CHRNA4: variants seen among roughly 807,000 people sequenced by gnomAD.
CHRNA4 encodes the protein neuronal acetylcholine receptor subunit alpha-4.
In CHRNA4, 28 loss-of-function variants were observed where a neutral mutation model predicts 48.9. The ratio of observed to expected loss-of-function variants is 0.57; its 90% CI spans 0.42 to 0.79. CHRNA4 has a LOEUF of 0.79. Among genes scored for constraint, CHRNA4 ranks in the 30% least tolerant of loss-of-function variants. The pLI is 0.00. For missense variants in CHRNA4, 859 were observed against 898.4 expected (o/e 0.96, Z 0.56); for synonymous variants, 425 against 402.3 (o/e 1.06, Z -0.68).
intron 1 of CHRNA4, chr20:63,360,085 G>A (rs1026139441): frequency 4.1e-5 from 13 of 314,964 alleles, no homozygotes; most frequent in African/African-American, 2.6e-4. Context: ...CGGATGGGCC[G>A]AGGACTGCTT....
intron 4 of CHRNA4, among the ~76,000 whole-genome samples, chr20:63,353,172 A>G (rs987514309): frequency 2.6e-5 from 4 of 152,154 alleles, no homozygotes; most frequent in Non-Finnish European, 5.9e-5. Context: ...GGGTGGCCAA[A>G]TCCCAGAGAA....
At position 63,350,463 on chromosome 20, in the gene CHRNA4, G is replaced by A. The variant is rs121912259; in HGVS notation, c.948C>T (p.Phe316=). ...CCGTGATGACGATGGACAGGGTGAC[G>A]AAGATCATGGTGAACAGCAGGTACT... ...IGEYLLFTMI[F]VTLSIVITVF... is the part of the protein sequence containing the mutation. Residue 316 remains phenylalanine, a synonymous_variant, in exon 5 of 6, where the codon TTC becomes TTT. Transcript: ENST00000370263. The A allele has an allele frequency of 1.1e-4, 174 of 1,613,846 alleles. No individual in the cohort carries two copies. Among genetic ancestry groups the A allele is most frequent in the South Asian group, 9.9e-5 (9 of 91,082 alleles).
chr20:63,346,857 C>T lies in CHRNA4; in HGVS notation c.1765G>A (p.Glu589Lys), dbSNP rs749939383. 2.5e-5 allele frequency: 41 copies of T among 1,612,380 alleles called. No homozygotes were observed. Among genetic ancestry groups the T allele is most frequent in the Admixed American group, 5.0e-5 (3 of 59,984 alleles). Residue 589 changes from glutamate (E) to lysine (K), a missense_variant, in exon 6 of 6, where the codon GAG (glutamate) becomes AAG (lysine). This residue lies in a region of CHRNA4 where 478 missense variants were observed against 455.4 expected (regional missense o/e 1.05). Transcript: ENST00000370263. Reference protein sequence around the residue: ...KAEDTDFSVKEDWKYVAMVID... With the variant: ...KAEDTDFSVKKDWKYVAMVID... The stretch of plus-strand genomic sequence containing the variant: ...ACCATGGCCACGTACTTCCAGTCCT[C>T]CTTCACCTGCAAGCACAGACGCCGT...
chr20:63,346,099 C>T lies in CHRNA4; in HGVS notation c.*639G>A. 1 of 454,126 alleles carries T rather than the reference C, an allele frequency of 2.2e-6. No homozygotes were observed. The highest frequency in any genetic ancestry group is 1.6e-5 in the South Asian group (1 of 64,472). The allele number at this position is 454,126 out of a possible 1,614,324, so 28.1% of individuals were successfully genotyped here. A position where few individuals can be genotyped will look rare whatever the true frequency, so the allele number is the denominator to read the frequency against. On this transcript the variant is annotated 3_prime_UTR_variant, in exon 6 of 6. Transcript: ENST00000370263. ...GGAACCAGCTCCACAAAACTCTGTTCTCCAAGGCTCCTTAGGCACAAGACT... is the reference window on the plus strand; with the variant it reads ...GGAACCAGCTCCACAAAACTCTGTTTTCCAAGGCTCCTTAGGCACAAGACT...
chr20:63,350,437 A>G lies in CHRNA4; in HGVS notation c.974T>C (p.Val325Ala). The change falls in exon 5 of 6, where the codon GTC becomes GCC. Residue 325 changes from valine to alanine, a missense_variant. Physicochemically the swap from Val to Ala is moderately conservative, Grantham distance 64. Coordinates refer to ENST00000370263, the MANE Select transcript of CHRNA4 (RefSeq NM_000744.7). ...IFVTLSIVITVFVLNVHHRSP... is the reference protein window; with the variant it reads ...IFVTLSIVITAFVLNVHHRSP... Reference sequence around the variant, plus strand: ...GCGGTGGTGCACGTTGAGCACGAAGACCGTGATGACGATGGACAGGGTGAC... The same window carrying G: ...GCGGTGGTGCACGTTGAGCACGAAGGCCGTGATGACGATGGACAGGGTGAC... 1 of 1,613,758 alleles carries G rather than the reference A, an allele frequency of 6.2e-7. No homozygotes were observed. The highest frequency in any genetic ancestry group is 8.5e-7 in the Non-Finnish European group (1 of 1,180,006).
chr20:63,360,742 T>C (rs965409722), intron 1 of CHRNA4, among the ~76,000 whole-genome samples: 1 of 152,214 alleles, frequency 6.6e-6, no homozygotes, highest in African/African-American at 2.4e-5. Context: ...ATGGGGGTCT[T>C]CAGGGAAATT....
chr20:63,349,745 G>A lies in CHRNA4; in HGVS notation c.1666C>T (p.Pro556Ser), dbSNP rs890168894. The change falls in exon 5 of 6, where the codon CCG (proline) becomes TCG (serine). Residue 556 changes from proline (P) to serine (S), a missense_variant. Transcript: ENST00000370263. ...VKTRSTKAPP[P>S]HLPLSPALTR... ...AGGGCCGGCGACAGGGGCAGGTGCGGGGGCGGCGCTTTGGTGCTGCGGGTC... is the reference window on the plus strand; with the variant it reads ...AGGGCCGGCGACAGGGGCAGGTGCGAGGGCGGCGCTTTGGTGCTGCGGGTC... 6.2e-7 allele frequency: 1 copy of A among 1,612,232 alleles called. No individual in the cohort carries two copies. Among genetic ancestry groups the A allele is most frequent in the Admixed American group, 1.7e-5 (1 of 59,972 alleles).
rs779985852 is a variant in CHRNA4 at position 63,350,850 on chromosome 20, G to C, written c.561C>G (p.Ala187=). 1 of 1,614,024 alleles carries C rather than the reference G, an allele frequency of 6.2e-7. No individual in the cohort carries two copies. Among genetic ancestry groups the C allele is most frequent in the South Asian group, 1.1e-5 (1 of 91,082 alleles). ...TGTGCATGTTCACCAGGTCGATCTTGGCCTTGTCGTAGGTCCAGGAGCCGA... is the reference window on the plus strand; with the variant it reads ...TGTGCATGTTCACCAGGTCGATCTTCGCCTTGTCGTAGGTCCAGGAGCCGA... ...MKFGSWTYDK[A]KIDLVNMHSR... Residue 187 remains alanine, a synonymous_variant, in exon 5 of 6, where the codon GCC becomes GCG. Coordinates refer to ENST00000370263, the MANE Select transcript of CHRNA4 (RefSeq NM_000744.7).
chr20:63,360,054 C>T (rs2068792005), intron 1 of CHRNA4: 1 of 341,538 alleles, frequency 2.9e-6, no homozygotes, highest in Non-Finnish European at 5.7e-6. Flanking sequence ...AGCACCTTGA[C>T]CGCACCACAA....
At chr20:63,355,627 T>A in intron 4 of CHRNA4, 1 of 1,302,120 alleles carries the variant, frequency 7.7e-7, no homozygotes. Context: ...ACGTCGCGGG[T>A]CAGGAGCCAG....
At position 63,344,908 on chromosome 20, in the gene CHRNA4, G is replaced by A; in HGVS notation, c.*1830C>T. The A allele has an allele frequency of 2.5e-6, 1 of 405,614 alleles. No individual in the cohort carries two copies. The highest frequency in any genetic ancestry group is 5.0e-6 in the Non-Finnish European group (1 of 199,224). The allele number at this position is 405,614 out of a possible 1,614,324, so 25.1% of individuals were successfully genotyped here. A position where few individuals can be genotyped will look rare whatever the true frequency, so the allele number is the denominator to read the frequency against. The stretch of plus-strand genomic sequence containing the variant: ...TGAATACACGGGGGATGTGGGAGGG[G>A]CCAGGGGGCTGGGGATGCCCAGGAT... On this transcript the variant is annotated 3_prime_UTR_variant, in exon 6 of 6. Transcript: ENST00000370263. This position sits in a 1 kb window ranked among gnomAD's most constrained non-coding sequence, Gnocchi z 4.5.
At chr20:63,351,114 T>TCCACAC (rs1210914261) in intron 4 of CHRNA4, 87 bp from the exon 5 acceptor site, 1 of 1,431,296 alleles carries the variant, frequency 7.0e-7, no homozygotes, top group African/African-American at 1.5e-5. Flanking sequence ...CATGCCCACG[T>TCCACAC]CCACACCCAC....
chr20:63,348,776 G>A (rs2068535514), intron 5 of CHRNA4, among the ~76,000 whole-genome samples: 1 of 141,392 alleles, frequency 7.1e-6, no homozygotes, highest in South Asian at 2.3e-4. Flanking sequence ...TCCTGTCCGT[G>A]GACCCTGGCC....
intron 4 of CHRNA4, 120 bp from the exon 5 acceptor site, chr20:63,351,147 A>G: frequency 1.1e-6 from 1 of 935,360 alleles, no homozygotes; most frequent in Non-Finnish European, 1.6e-6. Flanking sequence ...GCCCACATCC[A>G]CGTCCACGCC....
chr20:63,355,914 G>A, intron 4 of CHRNA4, 61 bp downstream of exon 4: 7 of 1,597,766 alleles, frequency 4.4e-6, no homozygotes, highest in Non-Finnish European at 6.0e-6. Flanking sequence ...GCAGGGGCAG[G>A]CCCTGGCCAC....
rs763234844 is a variant in CHRNA4 at position 63,355,937 on chromosome 20, AG to A, written c.383+37del. The stretch of plus-strand genomic sequence containing the variant: ...AGGCCCTGGCCACTCCTGCCCACCA[AG>A]GCCCTGTAGAGGACTCACTTGTTGT... On this transcript the variant is annotated intron_variant, in intron 4 of 5. Transcript: ENST00000370263. 32 of 1,607,248 alleles carry A rather than the reference AG, an allele frequency of 2.0e-5. No individual in the cohort carries two copies. The African/African-American group carries it at 4.3e-4, about 22-fold the overall frequency.
In CHRNA4 at chr20:63,346,041, G is replaced by A. The variant is rs747802393; in HGVS notation, c.*697C>T. ...CGGAGGGCCTGCGCAGGGGAGAGCT[G>A]GTCCCGCGTGGGCCTCCCGATTCTC... On this transcript the variant is annotated 3_prime_UTR_variant, in exon 6 of 6. Transcript: ENST00000370263. 3.1e-5 allele frequency: 14 copies of A among 453,880 alleles called. No homozygotes were observed. The East Asian group carries it at 8.4e-4, about 27-fold the overall frequency. 28.1% of individuals were successfully genotyped at this position (453,880 alleles called of 1,614,324 possible).
Position 63,361,236 on chromosome 20 carries a change from C to T in CHRNA4, c.-71G>A. ...CCCGCCGCTTCGAGGCCCGTGCGCG[C>T]CCAACTTCATGCCTCCCGCGCCTCG... On this transcript the variant is annotated 5_prime_UTR_variant, in exon 1 of 6. Coordinates refer to ENST00000370263, the MANE Select transcript of CHRNA4 (RefSeq NM_000744.7). The T allele has an allele frequency of 1.4e-6, 2 of 1,441,312 alleles. No individual in the cohort carries two copies. The highest frequency in any genetic ancestry group is 2.7e-5 in the South Asian group (2 of 73,634). 89.3% of individuals were successfully genotyped at this position (1,441,312 alleles called of 1,614,324 possible). A position where few individuals can be genotyped will look rare whatever the true frequency, so the allele number is the denominator to read the frequency against.
Position 63,350,526 on chromosome 20 carries a change from G to A in CHRNA4, c.885C>T (p.Ile295=), listed in dbSNP as rs267606049. 6.2e-7 allele frequency: 1 copy of A among 1,614,030 alleles called. No individual in the cohort carries two copies. The highest frequency in any genetic ancestry group is 8.5e-7 in the Non-Finnish European group (1 of 1,180,020). ...LTVFLLLITE[I]IPSTSLVIPL... ...GGATGACCAGTGAGGTGGACGGGAT[G>A]ATCTCGGTGATGAGCAGCAGGAAGA... Residue 295 remains isoleucine (I), a synonymous_variant, in exon 5 of 6, where the codon ATC becomes ATT. Coordinates refer to ENST00000370263, the MANE Select transcript of CHRNA4 (RefSeq NM_000744.7).
Sources: gnomAD v4.1 joint callset for allele counts (sites outside exome capture counted in the v4.1 genomes callset) on GRCh38, gnomAD v4.1.1 for gene constraint, gnomAD v4.1.1 regional missense constraint, Gnocchi (gnomAD v3.1) non-coding constraint, MANE v1.5 for transcripts, NCBI Gene and HGNC (gene_info 2026-07-23, HGNC 2026-07-21) for gene names.